The following ACIN1 variants were observed in gnomAD, a reference collection of about 807,000 sequenced individuals.
ACIN1 encodes apoptotic chromatin condensation inducer 1.
In ACIN1, 16 loss-of-function variants were observed where a neutral mutation model predicts 146.6. That is an observed-to-expected ratio of 0.11 (90% confidence interval 0.07 to 0.17). The LOEUF (loss-of-function observed/expected upper bound fraction) is 0.17, where lower values mean the gene tolerates loss of function less well. Among genes scored for constraint, ACIN1 ranks in the 10% least tolerant of loss-of-function variants. ACIN1 has a pLI of 1.00. For missense variants in ACIN1, 1,357 were observed against 1,609.3 expected (o/e 0.84, Z 2.68); for synonymous variants, 569 against 582.7 (o/e 0.98, Z 0.34).
chr14:23,077,664 G>C (rs970967124), intron 8 of ACIN1: 1 of 153,008 alleles, frequency 6.5e-6, no homozygotes, highest in Non-Finnish European at 1.5e-5. Flanking sequence ...ACTGTATGCT[G>C]TAAGAACTAG....
chr14:23,091,915 T>C (rs944268471), intron 2 of ACIN1, among the ~76,000 whole-genome samples: 1 of 152,182 alleles, frequency 6.6e-6, no homozygotes, highest in Admixed American at 6.5e-5. Flanking sequence ...TGAGCCACAA[T>C]GCCCGGCCTC....
At chr14:23,078,313 C>A in intron 7 of ACIN1, 47 bp from the exon 8 acceptor site, 1 of 1,563,498 alleles carries the variant, frequency 6.4e-7, no homozygotes, top group Admixed American at 1.7e-5. Context: ...TTTAGATCTG[C>A]TTGGTTCCTT....
At chr14:23,084,770 G>A (rs191107609) in intron 4 of ACIN1, among the ~76,000 whole-genome samples, 115 of 152,196 alleles carry the variant, frequency 7.6e-4, no homozygotes, top group African/African-American at 2.7e-3. Flanking sequence ...TTTGTGTTAT[G>A]GTTGTTCATA....
At chr14:23,059,834 T>C (rs2047214704) in intron 18 of ACIN1, among the ~76,000 whole-genome samples, 1 of 149,206 alleles carries the variant, frequency 6.7e-6, no homozygotes, top group African/African-American at 2.5e-5. Flanking sequence ...TTTTGTATTT[T>C]CAGTAGAGAC....
Position 23,083,047 on chromosome 14 carries a change from A to T in ACIN1, c.437-1211T>A, listed in dbSNP as rs2331831. Among the ~76,000 whole-genome samples the T allele has an allele frequency of 8.3e-3, 1,166 of 140,926 alleles. 13 individuals are homozygous for T. The highest frequency in any genetic ancestry group is 0.029 in the African/African-American group (1,101 of 37,698). The allele number at this position is 140,926 out of a possible 152,430, so 92.5% of individuals were successfully genotyped here. On this transcript the variant is annotated intron_variant, in intron 4 of 18. Coordinates refer to ENST00000605057, the MANE Select transcript of ACIN1 (RefSeq NM_001386863.1). Reference sequence around the variant, plus strand: ...AGTCACCGCACCCGGACTAGGTGAGATTTTTTTTTTTTTTAAGGAAAAAAA... The same window carrying T: ...AGTCACCGCACCCGGACTAGGTGAGTTTTTTTTTTTTTTTAAGGAAAAAAA...
Position 23,065,969 on chromosome 14 carries a change from C to T in ACIN1, c.2305G>A (p.Val769Ile), listed in dbSNP as rs763683387. Reference protein sequence around the residue: ...PKSFKRKISVVSATKGVPAGN... With the variant: ...PKSFKRKISVISATKGVPAGN... ...AGGGATTTGGGGCTGGACTTACAGA[C>T]AACGGAGATCTTCCTCTTGAATGAT... is the stretch of plus-strand genomic sequence containing the variant. The change falls in exon 10 of 19, where the codon GTC (valine) becomes ATC (isoleucine). Residue 769 changes from valine to isoleucine, a missense_variant. By Grantham distance (29) the Val-to-Ile change is conservative. Around this residue, in one of 4 missense-constraint regions of ACIN1, gnomAD observed 509 missense variants for 719.6 expected, o/e 0.71. Coordinates refer to ENST00000605057, the MANE Select transcript of ACIN1 (RefSeq NM_001386863.1). The T allele has an allele frequency of 1.9e-6, 3 of 1,613,474 alleles. No individual in the cohort carries two copies. Among genetic ancestry groups the T allele is most frequent in the Non-Finnish European group, 2.5e-6 (3 of 1,179,690 alleles).
chr14:23,061,711 C>G lies in ACIN1; in HGVS notation c.3100-89G>C, dbSNP rs999321981. The stretch of plus-strand genomic sequence containing the variant: ...CAGGATGGCCGGGCGCGGTGGCTCA[C>G]GCCTGTAATCCCAGCACTTTGGGAG... On this transcript the variant is annotated intron_variant, in intron 16 of 18. Transcript: ENST00000605057. The G allele has an allele frequency of 9.9e-6, 12 of 1,211,924 alleles. No individual in the cohort carries two copies. In the African/African-American group the frequency reaches 1.1e-4, roughly 11 times the overall value. The allele number at this position is 1,211,924 out of a possible 1,614,324, so 75.1% of individuals were successfully genotyped here.
At position 23,059,075 on chromosome 14, in the gene ACIN1, T is replaced by C; in HGVS notation, c.*73A>G. 1 of 1,439,484 alleles carries C rather than the reference T, an allele frequency of 6.9e-7. No homozygotes were observed. Among genetic ancestry groups the C allele is most frequent in the South Asian group, 1.2e-5 (1 of 81,918 alleles). 89.2% of individuals were successfully genotyped at this position (1,439,484 alleles called of 1,614,324 possible). ...CCCTTGGCTCCAGGGTGGTGGAGACTGTGCCTATCCCTCTGTGGCCATAAC... is the reference window on the plus strand; with the variant it reads ...CCCTTGGCTCCAGGGTGGTGGAGACCGTGCCTATCCCTCTGTGGCCATAAC... On this transcript the variant is annotated 3_prime_UTR_variant, in exon 19 of 19. Coordinates refer to ENST00000605057, the MANE Select transcript of ACIN1 (RefSeq NM_001386863.1).
chr14:23,080,956 A>G, intron 5 of ACIN1, 147 bp from the exon 6 acceptor site: 1 of 1,432,148 alleles, frequency 7.0e-7, no homozygotes, highest in Non-Finnish European at 9.2e-7. Context: ...GGAGACAATC[A>G]TGACTAACGT....
intron 4 of ACIN1, among the ~76,000 whole-genome samples, chr14:23,088,653 C>T (rs918419380): frequency 4.0e-5 from 5 of 126,474 alleles, no homozygotes; most frequent in Non-Finnish European, 8.8e-5. Flanking sequence ...GCATCCCCCT[C>T]AACACTAATT....
intron 18 of ACIN1, 133 bp downstream of exon 18, chr14:23,060,951 T>C (rs2139987550): frequency 2.5e-6 from 2 of 816,200 alleles, no homozygotes; most frequent in African/African-American, 1.7e-5. Context: ...AACTGCCTTT[T>C]TGTGATGCTT....
At chr14:23,061,243 T>C in intron 17 of ACIN1, 55 bp downstream of exon 17, 3 of 1,613,782 alleles carry the variant, frequency 1.9e-6, no homozygotes, top group Non-Finnish European at 2.5e-6. Context: ...CCATCCCATC[T>C]GGGTCCCTTT....
At chr14:23,070,544 C>T (rs1440986430) in intron 8 of ACIN1, among the ~76,000 whole-genome samples, 1 of 152,064 alleles carries the variant, frequency 6.6e-6, no homozygotes, top group Non-Finnish European at 1.5e-5. Flanking sequence ...CCATTTCAGG[C>T]AAAGAATCCC....
intron 8 of ACIN1, 31 bp from the exon 9 acceptor site, chr14:23,069,648 G>GCCC: frequency 3.4e-6 from 2 of 589,382 alleles, no homozygotes; most frequent in Non-Finnish European, 6.4e-6. Flanking sequence ...TGGTGGGGGG[G>GCCC]CGGGCAGAAA....
chr14:23,094,617 C>T (rs148562822), intron 1 of ACIN1: 5 of 1,030,564 alleles, frequency 4.9e-6, no homozygotes, highest in South Asian at 2.7e-5. Context: ...AACTCGCCCC[C>T]CTCAGGCCAG....
intron 1 of ACIN1, chr14:23,094,445 CCTCT>C (rs1191786472): frequency 4.1e-6 from 4 of 984,084 alleles, no homozygotes; most frequent in Admixed American, 6.2e-5. Flanking sequence ...AAATTAGAGA[CCTCT>C]CTCTCATCAA....
chr14:23,091,557 T>TCG (rs1441951829), intron 2 of ACIN1, among the ~76,000 whole-genome samples: 1 of 117,270 alleles, frequency 8.5e-6, no homozygotes, highest in Non-Finnish European at 1.7e-5. Flanking sequence ...AGAGCAAGAC[T>TCG]CCATCTCAAG....
intron 4 of ACIN1, among the ~76,000 whole-genome samples, chr14:23,084,161 G>A (rs1362271195): frequency 6.6e-6 from 1 of 152,102 alleles, no homozygotes. Context: ...TGGCCAGGCT[G>A]GTCTCGAACT....
chr14:23,093,442 A>G, intron 2 of ACIN1, 37 bp downstream of exon 2: 14 of 1,586,430 alleles, frequency 8.8e-6, no homozygotes, highest in Non-Finnish European at 1.2e-5. Flanking sequence ...CTGGATATCC[A>G]AAGGGCCCAC....
Sources: allele counts gnomAD v4.1 joint callset (sites outside exome capture counted in the v4.1 genomes callset), GRCh38; gene constraint gnomAD v4.1.1; regional missense constraint gnomAD v4.1.1; transcripts MANE v1.5; gene names NCBI Gene and HGNC (gene_info 2026-07-23, HGNC 2026-07-21).